DHRSX: variants seen among roughly 807,000 people sequenced by gnomAD.
DHRSX encodes polyprenol dehydrogenase.
DHRSX carries 31 observed loss-of-function variants against 34.0 expected under a neutral mutation model. The ratio of observed to expected loss-of-function variants is 0.91; its 90% CI spans 0.69 to 1.23. The LOEUF (loss-of-function observed/expected upper bound fraction) is 1.23. Ranked by LOEUF, DHRSX falls within the 50% of genes most tolerant of loss-of-function variation. The pLI, the probability that DHRSX is intolerant of heterozygous loss-of-function variation, is 0.00. For synonymous variants in DHRSX, 201 were observed against 183.8 expected, an observed-to-expected ratio of 1.09 and a Z score of -0.76; for missense variants, 414 against 428.1, an observed-to-expected ratio of 0.97 and a Z score of 0.29.
chrX:2,276,899 GAA>G (rs1444297197), intron 4 of DHRSX, among the ~76,000 whole-genome samples: 2 of 28,244 alleles, frequency 7.1e-5, no homozygotes, highest in Non-Finnish European at 1.7e-4. Flanking sequence ...GGGAAAGAGA[GAA>G]AGAGAGATGG....
chrX:2,241,382 C>T (rs1223382083), intron 6 of DHRSX, among the ~76,000 whole-genome samples: 1 of 152,126 alleles, frequency 6.6e-6, no homozygotes, highest in African/African-American at 2.4e-5. Context: ...CTAACTTCCC[C>T]CTCCTGCTTC....
At chrX:2,313,600 C>G (rs2042190273) in intron 3 of DHRSX, among the ~76,000 whole-genome samples, 1 of 152,108 alleles carries the variant, frequency 6.6e-6, no homozygotes, top group Non-Finnish European at 1.5e-5. Flanking sequence ...ATCTCATGAC[C>G]TCGTGATCTG....
intron 3 of DHRSX, among the ~76,000 whole-genome samples, chrX:2,339,372 A>C (rs955278784): frequency 6.6e-6 from 1 of 151,766 alleles, no homozygotes; most frequent in Non-Finnish European, 1.5e-5. Flanking sequence ...CTCCTGACTT[A>C]AGGTAATCCG....
chrX:2,484,314 A>C (rs774340690), intron 1 of DHRSX, among the ~76,000 whole-genome samples: 2 of 152,290 alleles, frequency 1.3e-5, no homozygotes, highest in East Asian at 3.9e-4. Flanking sequence ...AGTTGTTGAG[A>C]GACAGAGAAT....
At chrX:2,327,594 C>T (rs775426565) in intron 3 of DHRSX, among the ~76,000 whole-genome samples, 12 of 152,234 alleles carry the variant, frequency 7.9e-5, no homozygotes, top group African/African-American at 2.9e-4. Flanking sequence ...CCATTGTCAG[C>T]ACAAAGTCAC....
At chrX:2,246,763 TAAAA>T (rs1192877494) in intron 5 of DHRSX, among the ~76,000 whole-genome samples, 2 of 111,872 alleles carry the variant, frequency 1.8e-5, no homozygotes, top group East Asian at 6.6e-4. Flanking sequence ...AGAAAGAAAA[TAAAA>T]GAATAGAAAA....
intron 1 of DHRSX, among the ~76,000 whole-genome samples, chrX:2,427,216 C>G (rs2043861725): frequency 6.6e-6 from 1 of 152,130 alleles, no homozygotes. Context: ...TCTAGCAGGC[C>G]TGGGATATTC....
intron 1 of DHRSX, among the ~76,000 whole-genome samples, chrX:2,459,579 TACACACAC>T (rs1556524040): frequency 1.6e-5 from 2 of 127,904 alleles, no homozygotes; most frequent in Non-Finnish European, 3.3e-5. Flanking sequence ...TATATATATA[TACACACAC>T]ATACAATATA....
chrX:2,257,464 G>T (rs1287471166), intron 5 of DHRSX, among the ~76,000 whole-genome samples: 1 of 152,108 alleles, frequency 6.6e-6, no homozygotes, highest in Non-Finnish European at 1.5e-5. Flanking sequence ...GGTCATCTAG[G>T]GGCTCCTACA....
intron 6 of DHRSX, among the ~76,000 whole-genome samples, chrX:2,240,760 G>A (rs985328625): frequency 6.6e-6 from 1 of 152,120 alleles, no homozygotes; most frequent in Non-Finnish European, 1.5e-5. Context: ...TGTAAAGGGA[G>A]AAATAGAAAA....
intron 3 of DHRSX, among the ~76,000 whole-genome samples, chrX:2,328,079 C>CAAA (rs35824420): frequency 8.4e-5 from 10 of 118,522 alleles, no homozygotes; most frequent in Non-Finnish European, 1.7e-4. Context: ...GACTCCGTCT[C>CAAA]AAAAAAAAAA....
chrX:2,404,766 A>G (rs1282931454), intron 3 of DHRSX, among the ~76,000 whole-genome samples: 2 of 152,216 alleles, frequency 1.3e-5, no homozygotes. Flanking sequence ...TTAAAAAATA[A>G]CCAAACTCTT....
chrX:2,252,845 T>C (rs1364285300), intron 5 of DHRSX, among the ~76,000 whole-genome samples: 2 of 152,036 alleles, frequency 1.3e-5, no homozygotes, highest in East Asian at 3.9e-4. Context: ...TAGGAGGAAA[T>C]GCCCATTAAG....
intron 5 of DHRSX, among the ~76,000 whole-genome samples, chrX:2,248,628 A>G (rs1391804981): frequency 0.027 from 2,787 of 104,150 alleles, 197 homozygotes; most frequent in African/African-American, 0.12. Context: ...AAAAAAAAAG[A>G]AAAAGAAAAG....
chrX:2,481,742 C>A (rs1341713745), intron 1 of DHRSX, among the ~76,000 whole-genome samples: 3 of 152,032 alleles, frequency 2.0e-5, no homozygotes, highest in Non-Finnish European at 2.9e-5. Context: ...GGTCGTCTCA[C>A]AAAGCGGCGA....
intron 3 of DHRSX, among the ~76,000 whole-genome samples, chrX:2,300,519 G>A (rs374838988): frequency 6.6e-6 from 1 of 152,098 alleles, no homozygotes; most frequent in Non-Finnish European, 1.5e-5. Flanking sequence ...ACCCTTAATC[G>A]GGGTGGGCAC....
Position 2,386,438 on chromosome X carries a change from C to T in DHRSX, c.286+22307G>A, listed in dbSNP as rs544525238. Among the ~76,000 whole-genome samples, 116 of 152,210 alleles carry T rather than the reference C, an allele frequency of 7.6e-4. 2 individuals are homozygous for T. The highest frequency in any genetic ancestry group is 4.1e-3 in the Admixed American group (63 of 15,274). On this transcript the variant is annotated intron_variant, in intron 3 of 6. Coordinates refer to ENST00000334651, the MANE Select transcript of DHRSX (RefSeq NM_145177.3). ...TTTACCATGTTGGCCAGGCTGGTCT[C>T]GAACTCTGGACCTCAGGTGACCCGC... is the stretch of plus-strand genomic sequence containing the variant.
intron 3 of DHRSX, among the ~76,000 whole-genome samples, chrX:2,304,278 T>G (rs2042071816): frequency 8.6e-6 from 1 of 116,460 alleles, no homozygotes; most frequent in African/African-American, 3.6e-5. Context: ...GGTGGATGGA[T>G]GGGTGGGTGG....
chrX:2,232,736 C>G (rs753681030), intron 6 of DHRSX, among the ~76,000 whole-genome samples: 1 of 152,094 alleles, frequency 6.6e-6, no homozygotes, highest in Admixed American at 6.6e-5. Flanking sequence ...CTACATCCAG[C>G]TAATTTTTTG....
Sources: gnomAD v4.1 joint callset for allele counts (sites outside exome capture counted in the v4.1 genomes callset) on GRCh38, gnomAD v4.1.1 for gene constraint, MANE v1.5 for transcripts, NCBI Gene and HGNC (gene_info 2026-07-23, HGNC 2026-07-21) for gene names.